EXPH5: variants seen among roughly 807,000 people sequenced by gnomAD.
EXPH5 encodes exophilin 5.
Under a neutral mutation model 41.1 loss-of-function variants are expected in EXPH5, and 42 were observed. The ratio of observed to expected loss-of-function variants is 1.02; its 90% CI spans 0.80 to 1.32. The LOEUF (loss-of-function observed/expected upper bound fraction) is 1.32. EXPH5 is among the 40% of genes most tolerant of loss of function. The probability of loss-of-function intolerance (pLI) is 0.00; values close to 1 mark genes in which losing one functional copy is unlikely to be tolerated. For missense variants in EXPH5, 2,298 were observed against 2,314.5 expected, an observed-to-expected ratio of 0.99 and a Z score of 0.15; for synonymous variants, 798 against 833.5, an observed-to-expected ratio of 0.96 and a Z score of 0.73.
intron 1 of EXPH5, among the ~76,000 whole-genome samples, chr11:108,577,430 T>G (rs901554606): frequency 6.6e-6 from 1 of 151,616 alleles, no homozygotes; most frequent in Non-Finnish European, 1.5e-5. Flanking sequence ...TTATTTTTTG[T>G]TTTTTTTGGT....
At position 108,513,792 on chromosome 11, in the gene EXPH5, T is replaced by G; in HGVS notation, c.1715A>C (p.Gln572Pro). The change falls in exon 6 of 6, where the codon CAG (glutamine) becomes CCG (proline). Residue 572 changes from glutamine to proline, a missense_variant. Physicochemically the swap from Gln to Pro is moderately conservative, Grantham distance 76. Transcript: ENST00000265843. The stretch of plus-strand genomic sequence containing the variant: ...TGGTGTGCCAAAATGAGGAGTCAAC[T>G]GGGTCTCATTACCATGTGATACCAC... ...SMVVSHGNET[Q>P]LTPHFGTPNV... 1 of 1,600,704 alleles carries G rather than the reference T, an allele frequency of 6.2e-7. No homozygotes were observed. Among genetic ancestry groups the G allele is most frequent in the Non-Finnish European group, 8.5e-7 (1 of 1,174,740 alleles).
Position 108,593,495 on chromosome 11 carries a change from A to G in EXPH5, c.42T>C (p.Asn14=). 6.2e-7 allele frequency: 1 copy of G among 1,614,130 alleles called. No individual in the cohort carries two copies. The highest frequency in any genetic ancestry group is 1.1e-5 in the South Asian group (1 of 91,074). Residue 14 remains asparagine (N), a synonymous_variant, in exon 1 of 6, where the codon AAT becomes AAC. Transcript: ENST00000265843. The part of the protein sequence containing the change: ...VPPAFDFSFL[N]DEEARKILQV... ...GAAGGATCTTCCTGGCCTCTTCGTC[A>G]TTTAAGAAACTGAAATCAAACGCCG... is the stretch of plus-strand genomic sequence containing the variant.
At chr11:108,539,315 C>T in intron 2 of EXPH5, 129 bp from the exon 3 acceptor site, 1 of 627,522 alleles carries the variant, frequency 1.6e-6, no homozygotes, top group Non-Finnish European at 2.7e-6. Context: ...GGCAACCTCA[C>T]ATGAAGACCT....
At chr11:108,577,266 G>C (rs566999617) in intron 1 of EXPH5, among the ~76,000 whole-genome samples, 156 of 152,188 alleles carry the variant, frequency 1.0e-3, no homozygotes, top group Non-Finnish European at 1.9e-3. Flanking sequence ...CCTAGCAATG[G>C]GATTGCTGGA....
upstream of EXPH5, among the ~76,000 whole-genome samples, chr11:108,594,934 T>C (rs1016863632): frequency 2.0e-5 from 3 of 152,260 alleles, no homozygotes; most frequent in African/African-American, 7.2e-5. Context: ...GTTATTTGTG[T>C]GAACCAGGAA....
rs1294945507 is a variant in EXPH5 at position 108,558,223 on chromosome 11, G to A, written c.120-16411C>T. On this transcript the variant is annotated intron_variant, in intron 1 of 5. Transcript: ENST00000265843. Reference sequence around the variant, plus strand: ...CTCTCAGAGTGCTTGGATTACAGGTGTCAGCCACTGCGCCCAGCTCCCACT... The same window carrying A: ...CTCTCAGAGTGCTTGGATTACAGGTATCAGCCACTGCGCCCAGCTCCCACT... 5.9e-5 allele frequency among the ~76,000 whole-genome samples: 9 copies of A among 152,170 alleles called. No homozygotes were observed. The East Asian group carries it at 1.7e-3, about 29-fold the overall frequency.
intron 1 of EXPH5, among the ~76,000 whole-genome samples, chr11:108,578,430 C>T (rs2094086825): frequency 6.6e-6 from 1 of 152,172 alleles, no homozygotes; most frequent in Non-Finnish European, 1.5e-5. Context: ...ATTTTAGTTA[C>T]TGCTGCTTTG....
At chr11:108,574,375 C>CAA (rs3054579) in intron 1 of EXPH5, among the ~76,000 whole-genome samples, 41 of 138,418 alleles carry the variant, frequency 3.0e-4, no homozygotes, top group Middle Eastern at 4.2e-3. Context: ...AAGACCATCT[C>CAA]AAAAAAAAAA....
In EXPH5 at chr11:108,509,825, CTG is replaced by C; in HGVS notation, c.5680_5681del (p.Gln1894ValfsTer23). 6.2e-7 allele frequency: 1 copy of C among 1,613,670 alleles called. No homozygotes were observed. Among genetic ancestry groups the C allele is most frequent in the East Asian group, 2.2e-5 (1 of 44,882 alleles). ...IDYGIFGKEQ[Q>X]LAFLENVKRS... ...TCTTTACATTTTCTAAGAAAGCTAA[CTG>C]TTGTTCTTTCCCAAAGATCCCATAG... On this transcript the variant is annotated frameshift_variant, in exon 6 of 6. Coordinates refer to ENST00000265843, the MANE Select transcript of EXPH5 (RefSeq NM_015065.3). LOFTEE classifies it high-confidence loss of function.
intron 1 of EXPH5, among the ~76,000 whole-genome samples, chr11:108,577,311 A>G (rs1445120101): frequency 2.6e-5 from 4 of 151,910 alleles, no homozygotes; most frequent in African/African-American, 7.2e-5. Context: ...TTTTTGAGGA[A>G]CCTCCAAACT....
At chr11:108,523,002 C>A (rs1278704255) in intron 4 of EXPH5, among the ~76,000 whole-genome samples, 2 of 152,042 alleles carry the variant, frequency 1.3e-5, no homozygotes, top group African/African-American at 4.8e-5. Context: ...CCACCTCAGC[C>A]TCTTGAGTAA....
chr11:108,523,370 CTACTCA>C (rs1303410396), intron 4 of EXPH5, among the ~76,000 whole-genome samples: 2 of 152,124 alleles, frequency 1.3e-5, no homozygotes, highest in African/African-American at 4.8e-5. Flanking sequence ...GTGGCACTGG[CTACTCA>C]TACTCATATG....
At chr11:108,583,075 A>C (rs2094103252) in intron 1 of EXPH5, among the ~76,000 whole-genome samples, 2 of 152,146 alleles carry the variant, frequency 1.3e-5, no homozygotes, top group African/African-American at 4.8e-5. Flanking sequence ...TGATATTCTA[A>C]AATCAATTAC....
intron 1 of EXPH5, among the ~76,000 whole-genome samples, chr11:108,546,216 G>A (rs893914632): frequency 6.6e-5 from 10 of 152,026 alleles, no homozygotes; most frequent in African/African-American, 1.4e-4. Flanking sequence ...AGCATTAGGC[G>A]TAGGGTTCTG....
chr11:108,570,203 G>T (rs117579965), intron 1 of EXPH5, among the ~76,000 whole-genome samples: 6,531 of 151,790 alleles, frequency 0.043, 175 homozygotes, highest in Middle Eastern at 0.075. Context: ...GTTCAGGTAA[G>T]CTGAGAACAG....
intron 1 of EXPH5, among the ~76,000 whole-genome samples, chr11:108,549,181 C>T (rs1241667069): frequency 1.3e-5 from 2 of 152,234 alleles, no homozygotes; most frequent in East Asian, 3.8e-4. Context: ...TCACAAGGGA[C>T]TGTTGTCTAC....
At chr11:108,595,403 G>T (rs559479644), upstream of EXPH5, among the ~76,000 whole-genome samples, 5 of 152,332 alleles carry the variant, frequency 3.3e-5, no homozygotes, top group South Asian at 6.2e-4. Context: ...GAAGAAATAG[G>T]GGGTGGTGGG....
At chr11:108,522,862 C>T (rs2093773929) in intron 4 of EXPH5, among the ~76,000 whole-genome samples, 1 of 151,784 alleles carries the variant, frequency 6.6e-6, no homozygotes, top group African/African-American at 2.4e-5. Flanking sequence ...TTTTGCAGCA[C>T]AATTGTGTCA....
chr11:108,514,165 T>C lies in EXPH5; in HGVS notation c.1342A>G (p.Met448Val), dbSNP rs1187219034. The C allele has an allele frequency of 1.2e-6, 2 of 1,614,002 alleles. No homozygotes were observed. Residue 448 changes from methionine to valine, a missense_variant, in exon 6 of 6, where the codon ATG (methionine) becomes GTG (valine). Physicochemically the swap from Met to Val is conservative, Grantham distance 21 (BLOSUM62 1). Coordinates refer to ENST00000265843, the MANE Select transcript of EXPH5 (RefSeq NM_015065.3). ...GTGTTGCTTTGATGGTAGAATGGCATGTTCTCTGAGTTCTCAAAAGTGTCG... is the reference window on the plus strand; with the variant it reads ...GTGTTGCTTTGATGGTAGAATGGCACGTTCTCTGAGTTCTCAAAAGTGTCG... ...SPDTFENSEN[M>V]PFYHQSNTFT...
Sources: allele counts gnomAD v4.1 joint callset (sites outside exome capture counted in the v4.1 genomes callset), GRCh38; gene constraint gnomAD v4.1.1; transcripts MANE v1.5; gene names NCBI Gene and HGNC (gene_info 2026-07-23, HGNC 2026-07-21).